SPICE1: variants seen among roughly 807,000 people sequenced by gnomAD.
The protein encoded by SPICE1 is spindle and centriole associated protein 1.
A neutral mutation model predicts 102.7 loss-of-function variants in SPICE1; 75 were observed. The observed-to-expected ratio is 0.73, with a 90% CI of 0.61 to 0.88. The LOEUF (loss-of-function observed/expected upper bound fraction) is 0.88, where lower values mean the gene tolerates loss of function less well. SPICE1 is among the 40% of genes least tolerant of loss of function. SPICE1 has a pLI of 0.00. For missense variants in SPICE1, 979 were observed against 1,020.1 expected (o/e 0.96, Z 0.55); for synonymous variants, 308 against 350.3 (o/e 0.88, Z 1.35).
intron 7 of SPICE1, among the ~76,000 whole-genome samples, chr3:113,488,082 C>A (rs6438156): frequency 0.2 from 30,054 of 151,988 alleles, 3,144 homozygotes; most frequent in African/African-American, 0.26. Flanking sequence ...ACGATTAGTT[C>A]TTCAATCATC....
At chr3:113,471,015 G>A (rs1010423238) in intron 7 of SPICE1, among the ~76,000 whole-genome samples, 4 of 152,160 alleles carry the variant, frequency 2.6e-5, no homozygotes, top group African/African-American at 9.7e-5. Context: ...AACTGATTTA[G>A]ATGATGAGAT....
chr3:113,443,362 T>C lies in SPICE1; in HGVS notation c.*1945A>G, dbSNP rs939971937. On this transcript the variant is annotated 3_prime_UTR_variant, in exon 18 of 18. Coordinates refer to ENST00000295872, the MANE Select transcript of SPICE1 (RefSeq NM_144718.4). ...CTGTACTGTATTAGTTCCCGTAAAT[T>C]AGGAGAAATCCAGTAACTGCAAGAA... 6.6e-6 allele frequency: 1 copy of C among 152,226 alleles called. No individual in the cohort carries two copies. The highest frequency in any genetic ancestry group is 1.5e-5 in the Non-Finnish European group (1 of 68,036). The allele number at this position is 152,226 out of a possible 1,614,324, so 9.4% of individuals were successfully genotyped here.
chr3:113,478,256 T>C (rs1936408752), intron 7 of SPICE1, among the ~76,000 whole-genome samples: 1 of 152,096 alleles, frequency 6.6e-6, no homozygotes, highest in African/African-American at 2.4e-5. Flanking sequence ...AGAAGAATAT[T>C]TCCAAATTGT....
At chr3:113,451,303 A>G (rs1283700557) in intron 14 of SPICE1, among the ~76,000 whole-genome samples, 1 of 152,134 alleles carries the variant, frequency 6.6e-6, no homozygotes, top group Non-Finnish European at 1.5e-5. Flanking sequence ...AAAATATAGC[A>G]TAAATTTAAT....
At chr3:113,479,470 T>C (rs1040332623) in intron 7 of SPICE1, among the ~76,000 whole-genome samples, 3 of 152,042 alleles carry the variant, frequency 2.0e-5, no homozygotes, top group African/African-American at 7.3e-5. Context: ...GCATGATTTA[T>C]AGTCCTCTGG....
rs1246238302 is a variant in SPICE1, at chr3:113,489,026, ACAGTT to A, written c.525_529del (p.Thr176Ter). 1.2e-6 allele frequency: 2 copies of A among 1,613,546 alleles called. No individual in the cohort carries two copies. The highest frequency in any genetic ancestry group is 4.5e-5 in the East Asian group (2 of 44,830). On this transcript the variant is annotated frameshift_variant, in exon 7 of 18. Transcript: ENST00000295872. LOFTEE classifies it high-confidence loss of function. ...CTCACTTTCTCCTGACTGGCTATTA[ACAGTT>A]CCTTCTTCTTCACCATCTACATCAT...
intron 7 of SPICE1, 70 bp downstream of exon 7, chr3:113,488,875 A>T (rs139149173): frequency 0.015 from 12,593 of 841,292 alleles, 126 homozygotes; most frequent in Middle Eastern, 0.025. Context: ...AAAATGATGC[A>T]ATAGGCAAAC....
intron 7 of SPICE1, among the ~76,000 whole-genome samples, chr3:113,487,755 C>T (rs60292736): frequency 0.18 from 27,204 of 152,084 alleles, 3,171 homozygotes; most frequent in East Asian, 0.42. Context: ...TGGCAGACAT[C>T]ACTGTAACCA....
At chr3:113,472,307 C>T (rs1362690098) in intron 7 of SPICE1, among the ~76,000 whole-genome samples, 1 of 152,270 alleles carries the variant, frequency 6.6e-6, no homozygotes, top group Admixed American at 6.5e-5. Context: ...GAGCCCACCA[C>T]AGCTCAAGGA....
chr3:113,459,275 A>G (rs1402732553), intron 12 of SPICE1, among the ~76,000 whole-genome samples: 1 of 152,190 alleles, frequency 6.6e-6, no homozygotes, highest in Non-Finnish European at 1.5e-5. Flanking sequence ...GGACACAAAC[A>G]CTGCGGAAGG....
chr3:113,479,686 A>G (rs1345915203), intron 7 of SPICE1, among the ~76,000 whole-genome samples: 1 of 152,150 alleles, frequency 6.6e-6, no homozygotes, highest in Non-Finnish European at 1.5e-5. Context: ...GAAAATATAA[A>G]CTGAAATTAC....
chr3:113,465,588 CCA>C, intron 11 of SPICE1, 63 bp downstream of exon 11: 2 of 1,443,670 alleles, frequency 1.4e-6, no homozygotes, highest in Non-Finnish European at 1.9e-6. Context: ...CTAAGAGAAT[CCA>C]GTACATGTTT....
intron 4 of SPICE1, 64 bp downstream of exon 4, chr3:113,499,375 G>C (rs1936963871): frequency 2.6e-6 from 4 of 1,525,628 alleles, no homozygotes; most frequent in Non-Finnish European, 3.5e-6. Flanking sequence ...TCAAATTGAA[G>C]AAAAACAAAG....
chr3:113,468,656 G>A (rs1447661848), intron 9 of SPICE1, 106 bp downstream of exon 9: 1 of 1,327,556 alleles, frequency 7.5e-7, no homozygotes, highest in Non-Finnish European at 1.0e-6. Context: ...CTTTCAGTTG[G>A]AACCATGTGG....
At chr3:113,451,512 T>C (rs143025638) in intron 14 of SPICE1, among the ~76,000 whole-genome samples, 1 of 152,200 alleles carries the variant, frequency 6.6e-6, no homozygotes, top group Non-Finnish European at 1.5e-5. Flanking sequence ...TTAAAGATCA[T>C]TTTGTATTTC....
Position 113,493,056 on chromosome 3 carries a change from C to T in SPICE1, c.492+150G>A. The T allele has an allele frequency of 7.2e-6, 4 of 559,244 alleles. No homozygotes were observed. The South Asian group carries it at 7.9e-5, about 11-fold the overall frequency. The allele number at this position is 559,244 out of a possible 1,614,324, so 34.6% of individuals were successfully genotyped here. A position where few individuals can be genotyped will look rare whatever the true frequency, so the allele number is the denominator to read the frequency against. On this transcript the variant is annotated intron_variant, in intron 6 of 17. Transcript: ENST00000295872. ...AGTCTTGTTTGATACAAACATTACT[C>T]ACAGAAAGTGCAATACACTTAAGAG...
intron 7 of SPICE1, among the ~76,000 whole-genome samples, chr3:113,487,160 G>A (rs1936668129): frequency 6.6e-6 from 1 of 151,956 alleles, no homozygotes; most frequent in Admixed American, 6.6e-5. Flanking sequence ...TACTTAGCAG[G>A]TTTATTTTTG....
intron 10 of SPICE1, among the ~76,000 whole-genome samples, chr3:113,466,230 A>G (rs1029799251): frequency 6.6e-6 from 1 of 152,226 alleles, no homozygotes; most frequent in Non-Finnish European, 1.5e-5. Flanking sequence ...CAATTCAAAA[A>G]TTAAGCTTGT....
chr3:113,477,842 C>G (rs1364124048), intron 7 of SPICE1, among the ~76,000 whole-genome samples: 1 of 151,204 alleles, frequency 6.6e-6, no homozygotes, highest in Non-Finnish European at 1.5e-5. Flanking sequence ...TGCTAAATGA[C>G]AAGTTAATGG....
Sources: allele counts gnomAD v4.1 joint callset (sites outside exome capture counted in the v4.1 genomes callset), GRCh38; gene constraint gnomAD v4.1.1; transcripts MANE v1.5; gene names NCBI Gene and HGNC (gene_info 2026-07-23, HGNC 2026-07-21).